Variants in MAP3K5 observed in about 807,000 individuals in gnomAD.
The protein encoded by MAP3K5 is mitogen-activated protein kinase kinase kinase 5, also known as ASK-1.
MAP3K5 carries 56 observed loss-of-function variants against 158.7 expected under a neutral mutation model. That is an observed-to-expected ratio of 0.35 (90% confidence interval 0.28 to 0.44). The LOEUF is 0.44. MAP3K5 is among the 20% of genes least tolerant of loss of function. The pLI, the probability that MAP3K5 is intolerant of heterozygous loss-of-function variation, is 1.00. For synonymous variants in MAP3K5, 579 were observed against 601.7 expected (o/e 0.96, Z 0.55); for missense variants, 1,294 against 1,674.8 (o/e 0.77, Z 3.97).
chr6:136,651,144 C>T (rs1778503521), intron 10 of MAP3K5, 53 bp from the exon 11 acceptor site: 1 of 892,566 alleles, frequency 1.1e-6, no homozygotes. Context: ...ACTGAAACCA[C>T]TTAGAGCTGC....
At chr6:136,586,619 T>C (rs1470253670) in intron 23 of MAP3K5, among the ~76,000 whole-genome samples, 3 of 152,236 alleles carry the variant, frequency 2.0e-5, no homozygotes, top group Non-Finnish European at 4.4e-5. Flanking sequence ...CCTGCACTCC[T>C]AGTACCAGGT....
intron 1 of MAP3K5, among the ~76,000 whole-genome samples, chr6:136,731,782 A>G (rs1295471842): frequency 6.6e-6 from 1 of 152,218 alleles, no homozygotes; most frequent in Non-Finnish European, 1.5e-5. Flanking sequence ...ATGAGCCCAA[A>G]GGATTCTCCA....
Position 136,792,034 on chromosome 6 carries a change from C to A in MAP3K5, c.124G>T (p.Glu42Ter), listed in dbSNP as rs1431396871. 1.9e-6 allele frequency: 3 copies of A among 1,549,966 alleles called. No individual in the cohort carries two copies. The highest frequency in any genetic ancestry group is 2.6e-6 in the Non-Finnish European group (3 of 1,152,930). ...RGGAAAVGEG[E>*]EHQLPPPPPG... is the part of the protein sequence containing the mutation. Reference sequence around the variant, plus strand: ...GGCGGCGGTGGCAGCTGGTGCTCCTCGCCCTCGCCCACCGCCGCCGCTCCT... The same window carrying A: ...GGCGGCGGTGGCAGCTGGTGCTCCTAGCCCTCGCCCACCGCCGCCGCTCCT... The change falls in exon 1 of 30, where the codon GAG (glutamate) becomes TAG (stop). Residue 42 changes from glutamate (E) to a stop codon, truncating the protein, a stop_gained. Coordinates refer to ENST00000359015, the MANE Select transcript of MAP3K5 (RefSeq NM_005923.4). LOFTEE classifies it high-confidence loss of function. The surrounding 1 kb of genome is among the most constrained non-coding windows in gnomAD (Gnocchi z 5.7).
At chr6:136,676,178 C>T (rs1242062764) in intron 7 of MAP3K5, among the ~76,000 whole-genome samples, 1 of 152,218 alleles carries the variant, frequency 6.6e-6, no homozygotes, top group East Asian at 1.9e-4. Flanking sequence ...AACAGCCTTG[C>T]TGACCAATGA....
intron 10 of MAP3K5, among the ~76,000 whole-genome samples, chr6:136,654,164 A>T (rs1778641818): frequency 6.6e-6 from 1 of 152,240 alleles, no homozygotes; most frequent in Non-Finnish European, 1.5e-5. Context: ...AAAGAAATGA[A>T]ATGTGGCAAA....
intron 1 of MAP3K5, among the ~76,000 whole-genome samples, chr6:136,778,209 T>C (rs965995502): frequency 1.3e-5 from 2 of 152,108 alleles, no homozygotes; most frequent in African/African-American, 4.8e-5. Context: ...TTTAATACAA[T>C]CTTGGAATTT....
chr6:136,790,484 G>C (rs1169174853), intron 1 of MAP3K5, among the ~76,000 whole-genome samples: 11 of 152,148 alleles, frequency 7.2e-5, no homozygotes, highest in Non-Finnish European at 5.9e-5. Context: ...TTATAGCCAT[G>C]CTCAGTTATG....
At chr6:136,790,044 C>T (rs1785009246) in intron 1 of MAP3K5, among the ~76,000 whole-genome samples, 1 of 152,196 alleles carries the variant, frequency 6.6e-6, no homozygotes, top group Non-Finnish European at 1.5e-5. Flanking sequence ...GCATTGGCCA[C>T]TTACTCCCTA....
chr6:136,613,400 T>A lies in MAP3K5; in HGVS notation c.2279-144A>T. 1 of 602,282 alleles carries A rather than the reference T, an allele frequency of 1.7e-6. No homozygotes were observed. Among genetic ancestry groups the A allele is most frequent in the Non-Finnish European group, 2.6e-6 (1 of 379,058 alleles). 37.3% of individuals were successfully genotyped at this position (602,282 alleles called of 1,614,324 possible). A position where few individuals can be genotyped will look rare whatever the true frequency, so the allele number is the denominator to read the frequency against. On this transcript the variant is annotated intron_variant, in intron 16 of 29. Transcript: ENST00000359015. The surrounding 1 kb of genome is among the most constrained non-coding windows in gnomAD (Gnocchi z 4.0). ...CTATACTGGATATCGGGCTCAAACA[T>A]GAATTTGCAAATATCCCTACTCTAA...
chr6:136,568,615 C>T (rs959442963), intron 25 of MAP3K5, among the ~76,000 whole-genome samples: 12 of 152,158 alleles, frequency 7.9e-5, no homozygotes, highest in Admixed American at 2.6e-4. Context: ...TGGCTCACGC[C>T]TGTAATCCCA....
At chr6:136,636,830 T>C in intron 14 of MAP3K5, 1 of 985,858 alleles carries the variant, frequency 1.0e-6, no homozygotes, top group Non-Finnish European at 1.2e-6. Flanking sequence ...GTGCTCTGTG[T>C]CCATTAGACA....
intron 1 of MAP3K5, among the ~76,000 whole-genome samples, chr6:136,781,613 A>C (rs574748117): frequency 6.6e-6 from 1 of 152,202 alleles, no homozygotes; most frequent in African/African-American, 2.4e-5. Flanking sequence ...TCCAACTATA[A>C]GATATAGTTA....
intron 23 of MAP3K5, among the ~76,000 whole-genome samples, chr6:136,587,876 A>G (rs1400519586): frequency 6.6e-6 from 1 of 152,222 alleles, no homozygotes. Context: ...AGGAGGCACC[A>G]AACAATTGAA....
At chr6:136,614,548 A>G (rs1423094151) in intron 15 of MAP3K5, among the ~76,000 whole-genome samples, 1 of 152,204 alleles carries the variant, frequency 6.6e-6, no homozygotes, top group East Asian at 1.9e-4. Flanking sequence ...TGCCCATTTT[A>G]CAGATGAGGA....
intron 8 of MAP3K5, among the ~76,000 whole-genome samples, chr6:136,665,210 G>A (rs573183985): frequency 6.6e-6 from 1 of 152,258 alleles, no homozygotes; most frequent in Non-Finnish European, 1.5e-5. Context: ...GATGATCCTT[G>A]CCAGAATCAA....
intron 11 of MAP3K5, among the ~76,000 whole-genome samples, chr6:136,646,396 G>A (rs1778258926): frequency 2.0e-5 from 3 of 152,114 alleles, no homozygotes; most frequent in African/African-American, 4.8e-5. Context: ...CAAAACATAA[G>A]AGAATGAAAA....
chr6:136,599,835 G>A (rs1258340499), intron 21 of MAP3K5, among the ~76,000 whole-genome samples: 2 of 152,164 alleles, frequency 1.3e-5, no homozygotes, highest in Non-Finnish European at 2.9e-5. Context: ...CCAGAAGCAG[G>A]CTGGTCAGAA....
At chr6:136,644,078 A>T (rs1396782171) in intron 11 of MAP3K5, among the ~76,000 whole-genome samples, 2 of 152,218 alleles carry the variant, frequency 1.3e-5, no homozygotes, top group African/African-American at 4.8e-5. Context: ...CCCTGAACAC[A>T]GCAACTGGCA....
intron 3 of MAP3K5, among the ~76,000 whole-genome samples, chr6:136,699,505 G>A (rs999495821): frequency 5.3e-5 from 8 of 152,184 alleles, no homozygotes; most frequent in African/African-American, 1.7e-4. Flanking sequence ...CAACGTACAA[G>A]GGCCTGACTA....
Sources: gnomAD v4.1 joint callset for allele counts (sites outside exome capture counted in the v4.1 genomes callset) on GRCh38, gnomAD v4.1.1 for gene constraint, Gnocchi (gnomAD v3.1) non-coding constraint, MANE v1.5 for transcripts, NCBI Gene and HGNC (gene_info 2026-07-23, HGNC 2026-07-21) for gene names.